CLASP2: variants seen among roughly 807,000 people sequenced by gnomAD.
CLASP2 encodes CLIP-associating protein 2.
CLASP2 carries 47 observed loss-of-function variants against 194.4 expected under a neutral mutation model. The ratio of observed to expected loss-of-function variants is 0.24; its 90% CI spans 0.19 to 0.31. The LOEUF (loss-of-function observed/expected upper bound fraction) is 0.31. CLASP2 is among the 10% of genes least tolerant of loss of function. The pLI is 1.00. For missense variants in CLASP2, 1,445 were observed against 1,823.6 expected (o/e 0.79, Z 3.78); for synonymous variants, 619 against 633.5 (o/e 0.98, Z 0.34).
At chr3:33,622,616 G>A (rs573709393) in intron 10 of CLASP2, among the ~76,000 whole-genome samples, 2 of 152,036 alleles carry the variant, frequency 1.3e-5, no homozygotes, top group Non-Finnish European at 2.9e-5. Flanking sequence ...ATAATAGGGA[G>A]TTTTTCTTTT....
intron 1 of CLASP2, among the ~76,000 whole-genome samples, 188 bp downstream of exon 1, chr3:33,717,620 T>A (rs1408057425): frequency 1.3e-5 from 2 of 151,982 alleles, no homozygotes; most frequent in African/African-American, 4.8e-5. Context: ...AGAGACGGGG[T>A]TGCACCATGT....
chr3:33,584,361 A>G (rs2066875569), intron 22 of CLASP2, among the ~76,000 whole-genome samples: 1 of 143,622 alleles, frequency 7.0e-6, no homozygotes, highest in Non-Finnish European at 1.5e-5. Flanking sequence ...TGCAGCCTCC[A>G]CCCCAGGTTC....
intron 38 of CLASP2, among the ~76,000 whole-genome samples, chr3:33,499,807 G>C (rs1314926601): frequency 6.6e-6 from 1 of 152,128 alleles, no homozygotes; most frequent in African/African-American, 2.4e-5. Context: ...TATAGATGAG[G>C]AAATAACAAT....
At chr3:33,580,242 T>C (rs2065747047) in intron 23 of CLASP2, among the ~76,000 whole-genome samples, 1 of 152,162 alleles carries the variant, frequency 6.6e-6, no homozygotes, top group African/African-American at 2.4e-5. Context: ...TTGAGCCAAA[T>C]GGCCCAGAGA....
Position 33,592,402 on chromosome 3 carries a change from T to C in CLASP2, c.2061A>G (p.Gln687=), listed in dbSNP as rs750153378. 2.7e-5 allele frequency: 44 copies of C among 1,610,682 alleles called. No homozygotes were observed. The highest frequency in any genetic ancestry group is 3.3e-5 in the Admixed American group (2 of 59,894). Residue 687 remains glutamine (Q), a synonymous_variant, in exon 21 of 39, where the codon CAA becomes CAG. Coordinates refer to ENST00000682230, the MANE Select transcript of CLASP2 (RefSeq NM_001365631.1). ...RGRSRTKMVS[Q]SQPGSRSGSP... Reference sequence around the variant, plus strand: ...CTGATAAGCAATACATACGCTGTGATTGAGACACCATTTTTGTTCGACTTC... The same window carrying C: ...CTGATAAGCAATACATACGCTGTGACTGAGACACCATTTTTGTTCGACTTC...
At chr3:33,515,432 C>T (rs1374636094) in intron 36 of CLASP2, among the ~76,000 whole-genome samples, 2 of 152,124 alleles carry the variant, frequency 1.3e-5, no homozygotes, top group African/African-American at 4.8e-5. Context: ...GGCAATTTAT[C>T]ACTTAAAAAT....
chr3:33,597,982 A>G (rs2070930983), intron 18 of CLASP2, among the ~76,000 whole-genome samples: 1 of 151,116 alleles, frequency 6.6e-6, no homozygotes, highest in Non-Finnish European at 1.5e-5. Flanking sequence ...CAAACTCCCA[A>G]CCTCAAGTGA....
intron 10 of CLASP2, among the ~76,000 whole-genome samples, chr3:33,625,520 A>G (rs1045935804): frequency 6.6e-6 from 1 of 152,006 alleles, no homozygotes; most frequent in Non-Finnish European, 1.5e-5. Context: ...AGCCAAAAAA[A>G]AAAAAGCAAG....
At chr3:33,677,583 T>C (rs968542041) in intron 6 of CLASP2, among the ~76,000 whole-genome samples, 2 of 143,396 alleles carry the variant, frequency 1.4e-5, no homozygotes, top group African/African-American at 5.1e-5. Flanking sequence ...AGGGATAGCA[T>C]TGGGAGATAT....
chr3:33,596,612 A>G (rs1040788835), intron 19 of CLASP2, 99 bp downstream of exon 19: 1 of 825,618 alleles, frequency 1.2e-6, no homozygotes, highest in Non-Finnish European at 1.9e-6. Context: ...AAGTATTAAT[A>G]ATATATTTTT....
At chr3:33,680,895 G>C (rs965571812) in intron 6 of CLASP2, among the ~76,000 whole-genome samples, 1 of 152,216 alleles carries the variant, frequency 6.6e-6, no homozygotes, top group African/African-American at 2.4e-5. Context: ...GGGAGGCCGA[G>C]GCAGGCGGAT....
chr3:33,650,024 T>C (rs369568348), intron 7 of CLASP2, among the ~76,000 whole-genome samples: 5 of 151,934 alleles, frequency 3.3e-5, no homozygotes, highest in Non-Finnish European at 4.4e-5. Context: ...CAAGAAACCA[T>C]GAGCCAAGAA....
At chr3:33,564,649 G>A (rs1459167787) in intron 27 of CLASP2, among the ~76,000 whole-genome samples, 1 of 152,110 alleles carries the variant, frequency 6.6e-6, no homozygotes, top group Non-Finnish European at 1.5e-5. Flanking sequence ...GCAGTACAGT[G>A]GCACGATCAT....
intron 1 of CLASP2, among the ~76,000 whole-genome samples, chr3:33,716,906 T>C (rs2093324579): frequency 2.0e-5 from 3 of 152,200 alleles, no homozygotes; most frequent in African/African-American, 7.2e-5. Context: ...AATATGTTAC[T>C]AAGAAGAATC....
At chr3:33,541,771 C>G (rs1272512717) in intron 32 of CLASP2, among the ~76,000 whole-genome samples, 2 of 152,124 alleles carry the variant, frequency 1.3e-5, no homozygotes, top group African/African-American at 4.8e-5. Flanking sequence ...CATGTCTTTG[C>G]TATTGTGAAC....
At chr3:33,602,768 G>A (rs1272769813) in intron 18 of CLASP2, 184 bp downstream of exon 18, 1 of 702,438 alleles carries the variant, frequency 1.4e-6, no homozygotes, top group East Asian at 2.7e-5. Context: ...ATGAGAACAA[G>A]GGAAAAGGAG....
At chr3:33,673,585 C>T (rs1167239622) in intron 6 of CLASP2, among the ~76,000 whole-genome samples, 2 of 152,038 alleles carry the variant, frequency 1.3e-5, no homozygotes, top group Non-Finnish European at 2.9e-5. Context: ...CAAATTCACA[C>T]ATAACAATAT....
At chr3:33,669,767 C>G (rs924975890) in intron 6 of CLASP2, among the ~76,000 whole-genome samples, 9 of 151,936 alleles carry the variant, frequency 5.9e-5, no homozygotes, top group Non-Finnish European at 1.3e-4. Context: ...CCTAACAATA[C>G]AAAATAATGG....
At chr3:33,582,909 AG>A (rs1418913227) in intron 22 of CLASP2, among the ~76,000 whole-genome samples, 1 of 152,088 alleles carries the variant, frequency 6.6e-6, no homozygotes, top group Non-Finnish European at 1.5e-5. Flanking sequence ...GAAAAGCGCT[AG>A]GAACAGTAAT....
Sources: allele counts gnomAD v4.1 joint callset (sites outside exome capture counted in the v4.1 genomes callset), GRCh38; gene constraint gnomAD v4.1.1; transcripts MANE v1.5; gene names NCBI Gene and HGNC (gene_info 2026-07-23, HGNC 2026-07-21).